Variants in JMJD1C observed in about 807,000 individuals in gnomAD.
The protein encoded by JMJD1C is jumonji domain-containing protein 1C.
In JMJD1C, 31 loss-of-function variants were observed where a neutral mutation model predicts 245.3. That is an observed-to-expected ratio of 0.13 (90% CI 0.09 to 0.17). The LOEUF is 0.17. Among genes scored for constraint, JMJD1C ranks in the 10% least tolerant of loss-of-function variants. The pLI is 1.00. For missense variants in JMJD1C, 2,691 were observed against 3,000.2 expected (o/e 0.90, Z 2.41); for synonymous variants, 1,057 against 1,017.4 (o/e 1.04, Z -0.74).
At chr10:63,377,812 T>C (rs929593763) in intron 2 of JMJD1C, among the ~76,000 whole-genome samples, 2 of 151,852 alleles carry the variant, frequency 1.3e-5, no homozygotes, top group Non-Finnish European at 2.9e-5. Context: ...GGGAGGATCT[T>C]TTTTGAGCCC....
At chr10:63,472,560 G>A (rs182787813) in intron 1 of JMJD1C, among the ~76,000 whole-genome samples, 21 of 152,194 alleles carry the variant, frequency 1.4e-4, no homozygotes, top group African/African-American at 4.8e-4. Context: ...TCTAACTCCT[G>A]ACCTCAAGTG....
Position 63,219,373 on chromosome 10 carries a change from T to G in JMJD1C, c.553+505A>C, listed in dbSNP as rs977628892. 2.0e-5 allele frequency among the ~76,000 whole-genome samples: 3 copies of G among 152,320 alleles called. No individual in the cohort carries two copies. In the South Asian group the frequency reaches 6.2e-4, roughly 32 times the overall value. On this transcript the variant is annotated intron_variant, in intron 4 of 25. Transcript: ENST00000399262. ...AGCTTGTATTTACAATACATGATTT[T>G]ACTGACAGAAATGGAAATTGCTAAA...
intron 1 of JMJD1C, among the ~76,000 whole-genome samples, chr10:63,420,715 A>C (rs1355700816): frequency 1.1e-5 from 1 of 92,754 alleles, no homozygotes; most frequent in Non-Finnish European, 2.4e-5. Context: ...ACCCAGTCTC[A>C]AAAAAAAAAA....
chr10:63,463,769 T>G (rs1195162862), intron 1 of JMJD1C, among the ~76,000 whole-genome samples: 2 of 152,184 alleles, frequency 1.3e-5, no homozygotes, highest in Admixed American at 6.5e-5. Flanking sequence ...TCAACGAGTT[T>G]TGACAAATAT....
intron 2 of JMJD1C, among the ~76,000 whole-genome samples, chr10:63,286,569 T>C (rs1858001509): frequency 1.3e-5 from 2 of 152,332 alleles, no homozygotes; most frequent in East Asian, 3.9e-4. Flanking sequence ...TTAAATAATT[T>C]ACCAAGAGCT....
intron 2 of JMJD1C, among the ~76,000 whole-genome samples, chr10:63,322,527 T>C (rs1248818246): frequency 6.6e-6 from 1 of 152,044 alleles, no homozygotes; most frequent in Non-Finnish European, 1.5e-5. Flanking sequence ...TGTTAAAAAA[T>C]TTTCTGGCCA....
intron 1 of JMJD1C, among the ~76,000 whole-genome samples, chr10:63,479,737 T>C (rs1347683325): frequency 6.6e-6 from 1 of 152,166 alleles, no homozygotes; most frequent in Non-Finnish European, 1.5e-5. Context: ...TTGGCAAAAA[T>C]AGTCCATAAT....
intron 2 of JMJD1C, among the ~76,000 whole-genome samples, chr10:63,377,921 C>G (rs1286551645): frequency 7.2e-6 from 1 of 139,684 alleles, no homozygotes; most frequent in African/African-American, 2.6e-5. Context: ...AATAGTATGG[C>G]AAAAAAAAAA....
chr10:63,197,665 G>A (rs1845599873), intron 12 of JMJD1C, 102 bp from the exon 13 acceptor site: 1 of 1,040,990 alleles, frequency 9.6e-7, no homozygotes, highest in Non-Finnish European at 1.3e-6. Context: ...GGCAAACCAA[G>A]AACTTTCAAG....
At chr10:63,504,789 C>A (rs540647383) in intron 1 of JMJD1C, among the ~76,000 whole-genome samples, 1 of 152,188 alleles carries the variant, frequency 6.6e-6, no homozygotes, top group South Asian at 2.1e-4. Flanking sequence ...ATCTATAATC[C>A]CAGCACACTT....
At chr10:63,291,534 G>C (rs1403925151) in intron 2 of JMJD1C, among the ~76,000 whole-genome samples, 1 of 150,820 alleles carries the variant, frequency 6.6e-6, no homozygotes, top group Non-Finnish European at 1.5e-5. Context: ...AGAATCGCTT[G>C]AACCCGCGAG....
chr10:63,479,687 G>A (rs868473368), intron 1 of JMJD1C, among the ~76,000 whole-genome samples: 1 of 152,116 alleles, frequency 6.6e-6, no homozygotes, highest in Non-Finnish European at 1.5e-5. Flanking sequence ...TAAAGTGGTA[G>A]TAAGATCTAG....
intron 2 of JMJD1C, among the ~76,000 whole-genome samples, chr10:63,321,691 G>C (rs1189205427): frequency 6.6e-6 from 1 of 152,146 alleles, no homozygotes; most frequent in Non-Finnish European, 1.5e-5. Flanking sequence ...AGAAGGAAAG[G>C]GCCTCTGCAC....
Position 63,249,785 on chromosome 10 carries a change from G to A in JMJD1C, c.447+14866C>T, listed in dbSNP as rs140831711. On this transcript the variant is annotated intron_variant, in intron 3 of 25. Coordinates refer to ENST00000399262, the MANE Select transcript of JMJD1C (RefSeq NM_032776.3). ...TGAGGCAGGAGAATCGCTTTAATCCGGGAGGCAGAGTTCGCACTGGGCCAA... is the reference window on the plus strand; with the variant it reads ...TGAGGCAGGAGAATCGCTTTAATCCAGGAGGCAGAGTTCGCACTGGGCCAA... Among the ~76,000 whole-genome samples the A allele has an allele frequency of 7.6e-3, 1,159 of 151,938 alleles. 14 individuals are homozygous for A. The highest frequency in any genetic ancestry group is 0.019 in the Admixed American group (283 of 15,260).
rs1201502084 is a variant in JMJD1C at position 63,473,829 on chromosome 10, G to A, written n.113+47909C>T. ...AGGCCAAGGCGGGCGGATCACCTGAGGTCAGGAGTTTGAGACCAGCCTGGC... is the reference window on the plus strand; with the variant it reads ...AGGCCAAGGCGGGCGGATCACCTGAAGTCAGGAGTTTGAGACCAGCCTGGC... On this transcript the variant is annotated intron_variant and non_coding_transcript_variant, in intron 1 of 3. Coordinates refer to the JMJD1C transcript ENST00000633035. 2.6e-5 allele frequency among the ~76,000 whole-genome samples: 4 copies of A among 151,918 alleles called. No individual in the cohort carries two copies. In the East Asian group the frequency reaches 7.9e-4, roughly 30 times the overall value.
At chr10:63,483,158 A>G (rs181374378) in intron 1 of JMJD1C, among the ~76,000 whole-genome samples, 1 of 152,354 alleles carries the variant, frequency 6.6e-6, no homozygotes, top group Admixed American at 6.5e-5. Context: ...CATCATGAAA[A>G]CAAGTAATTA....
At chr10:63,513,276 A>T (rs1436769562) in intron 1 of JMJD1C, among the ~76,000 whole-genome samples, 2 of 152,172 alleles carry the variant, frequency 1.3e-5, no homozygotes, top group East Asian at 1.9e-4. Flanking sequence ...ATGAAACTGG[A>T]TGCCTACCTT....
rs1169587228 is a variant in JMJD1C, at chr10:63,283,375, T to A, written c.334-18611A>T. 5.3e-5 allele frequency among the ~76,000 whole-genome samples: 8 copies of A among 151,750 alleles called. No homozygotes were observed. The East Asian group carries it at 1.5e-3, about 29-fold the overall frequency. The stretch of plus-strand genomic sequence containing the variant: ...CCACCTGCTTTCTGAGCCTTTTTTT[T>A]TTTTTTTTTGAGACCAAGTCTTGCC... On this transcript the variant is annotated intron_variant, in intron 2 of 25. Transcript: ENST00000399262.
Position 63,387,628 on chromosome 10 carries a change from A to AAATTTT in JMJD1C, c.169-7147_169-7146insAAAATT, listed in dbSNP as rs1386824745. Among the ~76,000 whole-genome samples, 32 of 18,580 alleles carry AAATTTT rather than the reference A, an allele frequency of 1.7e-3. No individual in the cohort carries two copies. The East Asian group carries it at 0.018, about 11-fold the overall frequency. The allele number at this position is 18,580 out of a possible 152,430, so 12.2% of individuals were successfully genotyped here. ...CAGTCAGAAGAAAAAAGAAAAAAAA[A>AAATTTT]ATTTTTTTTTTTTTTTTTTTTTTTT... On this transcript the variant is annotated intron_variant, in intron 1 of 25. Transcript: ENST00000399262.
Sources: gnomAD v4.1 joint callset for allele counts (sites outside exome capture counted in the v4.1 genomes callset) on GRCh38, gnomAD v4.1.1 for gene constraint, MANE v1.5 for transcripts, NCBI Gene and HGNC (gene_info 2026-07-23, HGNC 2026-07-21) for gene names.